The following CSMD1 variants were observed in gnomAD, a reference collection of about 807,000 sequenced individuals.
CSMD1 encodes the protein CUB and Sushi multiple domains 1.
A neutral mutation model predicts 417.5 loss-of-function variants in CSMD1; 213 were observed. The observed-to-expected ratio is 0.51, with a 90% CI of 0.46 to 0.57. CSMD1 has a LOEUF of 0.57. Ranked by LOEUF, CSMD1 falls within the 20% of genes least tolerant of loss-of-function variation. The pLI, the probability that CSMD1 is intolerant of heterozygous loss-of-function variation, is 0.00. For synonymous variants in CSMD1, 2,862 were observed against 1,736.8 expected, an observed-to-expected ratio of 1.65 and a Z score of -16.11; for missense variants, 6,923 against 4,529.7, an observed-to-expected ratio of 1.53 and a Z score of -15.17.
At chr8:4,628,555 T>C (rs1802300047) in intron 2 of CSMD1, among the ~76,000 whole-genome samples, 1 of 151,310 alleles carries the variant, frequency 6.6e-6, no homozygotes, top group Non-Finnish European at 1.5e-5. Flanking sequence ...TAAACACAGA[T>C]GTAATTCAGT....
At chr8:4,284,597 C>T (rs1009757486) in intron 3 of CSMD1, among the ~76,000 whole-genome samples, 4 of 152,118 alleles carry the variant, frequency 2.6e-5, no homozygotes, top group Admixed American at 6.5e-5. Context: ...TTTACATTCT[C>T]GTCAGGCAAA....
rs1439099170 is a variant in CSMD1, at chr8:3,394,022, AT to A, written c.2593+2171del. Among the ~76,000 whole-genome samples, 132 of 43,588 alleles carry A rather than the reference AT, an allele frequency of 3.0e-3. 5 individuals are homozygous for A. Among genetic ancestry groups the A allele is most frequent in the South Asian group, 7.0e-3 (8 of 1,146 alleles). 28.6% of individuals were successfully genotyped at this position (43,588 alleles called of 152,430 possible). On this transcript the variant is annotated intron_variant, in intron 17 of 69. Coordinates refer to ENST00000635120, the MANE Select transcript of CSMD1 (RefSeq NM_033225.6). ...TAATAAAAAAATAAATTATATATAT[AT>A]ATATATATATATATATATATATATA...
intron 12 of CSMD1, among the ~76,000 whole-genome samples, chr8:3,433,419 C>G (rs1814349242): frequency 6.6e-6 from 1 of 152,202 alleles, no homozygotes; most frequent in African/African-American, 2.4e-5. Context: ...TCTTAATATC[C>G]CCTTTGCTCC....
At chr8:3,356,167 C>A (rs899848684) in intron 21 of CSMD1, among the ~76,000 whole-genome samples, 2 of 152,182 alleles carry the variant, frequency 1.3e-5, no homozygotes, top group African/African-American at 2.4e-5. Flanking sequence ...CACCTGCAAC[C>A]TTTGGTATGG....
intron 6 of CSMD1, among the ~76,000 whole-genome samples, chr8:3,735,234 T>C (rs555218882): frequency 1.3e-5 from 2 of 152,212 alleles, no homozygotes; most frequent in Non-Finnish European, 2.9e-5. Context: ...TTCTGTCTGA[T>C]TTGGATATTT....
At chr8:3,278,713 C>T (rs1802499947) in intron 26 of CSMD1, 1 of 152,072 alleles carries the variant, frequency 6.6e-6, no homozygotes, top group South Asian at 2.1e-4. Context: ...CATCTTCCCA[C>T]CCATCCTCCC....
intron 1 of CSMD1, among the ~76,000 whole-genome samples, chr8:4,698,849 G>C (rs978031210): frequency 1.3e-5 from 2 of 150,256 alleles, no homozygotes; most frequent in African/African-American, 4.9e-5. Flanking sequence ...TAACCAATAG[G>C]GTTACTTCAA....
chr8:4,031,216 T>G (rs1797327384), intron 4 of CSMD1, among the ~76,000 whole-genome samples: 1 of 152,220 alleles, frequency 6.6e-6, no homozygotes, highest in Admixed American at 6.5e-5. Context: ...GGTACCAATC[T>G]ATTGTATTAG....
At chr8:4,313,660 G>A (rs935218387) in intron 3 of CSMD1, among the ~76,000 whole-genome samples, 3 of 152,062 alleles carry the variant, frequency 2.0e-5, no homozygotes, top group African/African-American at 4.8e-5. Flanking sequence ...ATTCACTTTA[G>A]AGAGGGAAAC....
At chr8:4,276,504 G>T (rs370381928) in intron 3 of CSMD1, among the ~76,000 whole-genome samples, 2 of 152,144 alleles carry the variant, frequency 1.3e-5, no homozygotes, top group African/African-American at 2.4e-5. Flanking sequence ...TGACGGGTTA[G>T]TGGGTGCAGC....
At chr8:4,447,966 G>C (rs1473779604) in intron 2 of CSMD1, among the ~76,000 whole-genome samples, 2 of 152,170 alleles carry the variant, frequency 1.3e-5, no homozygotes, top group South Asian at 2.1e-4. Context: ...AATGCTAATA[G>C]TACCAAAAAG....
intron 3 of CSMD1, among the ~76,000 whole-genome samples, chr8:4,182,056 G>A (rs1325170864): frequency 6.6e-6 from 1 of 151,782 alleles, no homozygotes; most frequent in Admixed American, 6.6e-5. Context: ...GTGTGTGTGT[G>A]TGTGTATACC....
chr8:4,780,735 C>T (rs182304200), intron 1 of CSMD1, among the ~76,000 whole-genome samples: 16 of 152,186 alleles, frequency 1.1e-4, no homozygotes, highest in African/African-American at 3.9e-4. Flanking sequence ...CTCTTCTCTA[C>T]CAAGTCCCCA....
intron 3 of CSMD1, among the ~76,000 whole-genome samples, chr8:4,187,224 A>C (rs574257884): frequency 1.3e-5 from 2 of 152,294 alleles, no homozygotes; most frequent in East Asian, 1.9e-4. Flanking sequence ...AGAAAAAATA[A>C]TATGGAACTT....
intron 11 of CSMD1, among the ~76,000 whole-genome samples, chr8:3,486,572 G>C (rs746942447): frequency 6.6e-6 from 1 of 152,218 alleles, no homozygotes; most frequent in African/African-American, 2.4e-5. Flanking sequence ...ACCTGTGATA[G>C]AACAGCCAGA....
chr8:3,791,778 G>A (rs577587700), intron 5 of CSMD1, among the ~76,000 whole-genome samples: 192 of 152,174 alleles, frequency 1.3e-3, no homozygotes, highest in South Asian at 1.0e-2. Context: ...AGCCGACGTC[G>A]CAGCACTGCA....
intron 2 of CSMD1, among the ~76,000 whole-genome samples, chr8:4,461,315 G>T (rs191093535): frequency 4.6e-5 from 7 of 151,874 alleles, no homozygotes; most frequent in African/African-American, 1.7e-4. Context: ...CCTAAAATCA[G>T]CAATAAGACA....
chr8:4,569,767 C>A (rs1016600274), intron 2 of CSMD1, among the ~76,000 whole-genome samples: 1 of 152,130 alleles, frequency 6.6e-6, no homozygotes, highest in Non-Finnish European at 1.5e-5. Flanking sequence ...TCTTTCTATC[C>A]ATGAGCATGG....
intron 1 of CSMD1, among the ~76,000 whole-genome samples, chr8:4,901,177 A>C (rs1804848610): frequency 6.6e-6 from 1 of 152,222 alleles, no homozygotes; most frequent in Non-Finnish European, 1.5e-5. Context: ...TCTTAAACCA[A>C]AAGTTAGTAT....
Sources: gnomAD v4.1 joint callset for allele counts (sites outside exome capture counted in the v4.1 genomes callset) on GRCh38, gnomAD v4.1.1 for gene constraint, MANE v1.5 for transcripts, NCBI Gene and HGNC (gene_info 2026-07-23, HGNC 2026-07-21) for gene names.